CFHR2: variants seen among roughly 807,000 people sequenced by gnomAD.
CFHR2 encodes the protein complement factor H related 2.
In CFHR2, 22 loss-of-function variants were observed where a neutral mutation model predicts 21.7. The observed-to-expected ratio is 1.01, with a 90% confidence interval of 0.72 to 1.45. CFHR2 has a LOEUF of 1.45. CFHR2 is among the 40% of genes most tolerant of loss of function. The pLI, the probability that CFHR2 is intolerant of heterozygous loss-of-function variation, is 0.00. For synonymous variants in CFHR2, 98 were observed against 97.4 expected, an observed-to-expected ratio of 1.01 and a Z score of -0.04; for missense variants, 294 against 293.3, an observed-to-expected ratio of 1.00 and a Z score of -0.02.
At chr1:196,949,325 G>C (rs1391944087) in intron 1 of CFHR2, 130 bp from the exon 2 acceptor site, 4 of 844,460 alleles carry the variant, frequency 4.7e-6, no homozygotes, top group Non-Finnish European at 7.3e-6. Flanking sequence ...TTGGACACTG[G>C]AGAGCATTTA....
chr1:196,959,132 T>A lies in CFHR2; in HGVS notation c.*52T>A. ...TGCACACCTTTTTCTGAATTTACTA[T>A]TATATTTGTTTTCAATTTCATTTTT... On this transcript the variant is annotated 3_prime_UTR_variant, in exon 5 of 5. Transcript: ENST00000367415. 8.2e-7 allele frequency: 1 copy of A among 1,220,830 alleles called. No individual in the cohort carries two copies. The highest frequency in any genetic ancestry group is 1.2e-6 in the Non-Finnish European group (1 of 862,356). 75.6% of individuals were successfully genotyped at this position (1,220,830 alleles called of 1,614,324 possible).
At chr1:196,952,661 A>G (rs1426260546) in intron 3 of CFHR2, among the ~76,000 whole-genome samples, 1 of 152,206 alleles carries the variant, frequency 6.6e-6, no homozygotes, top group East Asian at 1.9e-4. Context: ...TTAGGCTTTG[A>G]TTAAGTCTGT....
rs1659696541 is a variant in CFHR2 at position 196,950,815 on chromosome 1, C to A, written c.254-37C>A. The A allele has an allele frequency of 3.1e-6, 5 of 1,608,110 alleles. No homozygotes were observed. The East Asian group carries it at 1.1e-4, about 36-fold the overall frequency. On this transcript the variant is annotated intron_variant, in intron 2 of 4. Coordinates refer to ENST00000367415, the MANE Select transcript of CFHR2 (RefSeq NM_005666.4). ...ATGCAGTTGTACTTTTTCTTTGCTA[C>A]TTCCATCTTGTCTATTAATCTGTTT...
At chr1:196,953,305 C>T (rs1652721221) in intron 3 of CFHR2, among the ~76,000 whole-genome samples, 1 of 152,004 alleles carries the variant, frequency 6.6e-6, no homozygotes, top group Non-Finnish European at 1.5e-5. Flanking sequence ...TTTTTTGAGA[C>T]AGAGTCTCAC....
chr1:196,948,815 A>G (rs1659616889), intron 1 of CFHR2, among the ~76,000 whole-genome samples: 1 of 152,172 alleles, frequency 6.6e-6, no homozygotes, highest in African/African-American at 2.4e-5. Flanking sequence ...ATACAAATAT[A>G]CAATACATAT....
At chr1:196,957,011 G>A (rs898346296) in intron 3 of CFHR2, among the ~76,000 whole-genome samples, 1 of 152,170 alleles carries the variant, frequency 6.6e-6, no homozygotes, top group African/African-American at 2.4e-5. Context: ...TTCCTCAGTT[G>A]ACCTCTGTTT....
rs545777035 is a variant in CFHR2 at position 196,947,153 on chromosome 1, G to GTGTATATATA, written c.59-2301_59-2300insGTATATATAT. Among the ~76,000 whole-genome samples, 965 of 151,872 alleles carry GTGTATATATA rather than the reference G, an allele frequency of 6.4e-3. 12 individuals carry two copies. The highest frequency in any genetic ancestry group is 0.022 in the African/African-American group (925 of 41,388). ...TATGTGTGTGTGTGTGTGTGTGTGT[G>GTGTATATATA]TATCCCAGAAGAAATATATTCATAA... On this transcript the variant is annotated intron_variant, in intron 1 of 4. Coordinates refer to ENST00000367415, the MANE Select transcript of CFHR2 (RefSeq NM_005666.4).
chr1:196,959,129 C>A lies in CFHR2; in HGVS notation c.*49C>A, dbSNP rs373136673. ...AAATGCACACCTTTTTCTGAATTTA[C>A]TATTATATTTGTTTTCAATTTCATT... is the stretch of plus-strand genomic sequence containing the variant. On this transcript the variant is annotated 3_prime_UTR_variant, in exon 5 of 5. Transcript: ENST00000367415. The A allele has an allele frequency of 1.7e-5, 21 of 1,256,058 alleles. No homozygotes were observed. The highest frequency in any genetic ancestry group is 2.0e-5 in the Non-Finnish European group (18 of 888,572). 77.8% of individuals were successfully genotyped at this position (1,256,058 alleles called of 1,614,324 possible).
chr1:196,948,299 A>T (rs994774196), intron 1 of CFHR2, among the ~76,000 whole-genome samples: 12 of 151,966 alleles, frequency 7.9e-5, no homozygotes, highest in African/African-American at 2.7e-4. Context: ...TTTGAGGTAG[A>T]GTCTTGCTCT....
intron 1 of CFHR2, among the ~76,000 whole-genome samples, chr1:196,948,833 T>C (rs1659617613): frequency 6.6e-6 from 1 of 152,152 alleles, no homozygotes; most frequent in South Asian, 2.1e-4. Flanking sequence ...TATTTGTATA[T>C]ACAACATTAA....
Position 196,957,909 on chromosome 1 carries a change from G to T in CFHR2, c.449G>T (p.Gly150Val). Residue 150 changes from glycine (G) to valine (V), a missense_variant, in exon 4 of 5, where the codon GGG (glycine) becomes GTG (valine). Transcript: ENST00000367415. ...CRSTISAEKC[G>V]PPPPIDNGDI... ...TTTTTAGTTTCTGCAGAAAAATGTG[G>T]GCCCCCTCCACCTATTGACAATGGA... is the stretch of plus-strand genomic sequence containing the variant. The T allele has an allele frequency of 6.2e-7, 1 of 1,609,204 alleles. No homozygotes were observed. Among genetic ancestry groups the T allele is most frequent in the Non-Finnish European group, 8.5e-7 (1 of 1,177,620 alleles).
At chr1:196,955,418 C>CTCT (rs1169520755) in intron 3 of CFHR2, among the ~76,000 whole-genome samples, 1 of 152,176 alleles carries the variant, frequency 6.6e-6, no homozygotes, top group Admixed American at 6.5e-5. Flanking sequence ...CTGTTCCAAC[C>CTCT]TCTGCCTGTT....
chr1:196,946,840 A>G (rs1329483611), intron 1 of CFHR2, among the ~76,000 whole-genome samples: 2 of 152,188 alleles, frequency 1.3e-5, no homozygotes, highest in East Asian at 3.8e-4. Flanking sequence ...ATTATACTAT[A>G]TGAAATACAT....
intron 3 of CFHR2, among the ~76,000 whole-genome samples, chr1:196,955,251 C>G (rs994251398): frequency 1.3e-5 from 2 of 152,150 alleles, no homozygotes; most frequent in East Asian, 3.9e-4. Context: ...GACCTTTGCT[C>G]CAGTTCCTAA....
chr1:196,958,420 G>A (rs1341811571), intron 4 of CFHR2, among the ~76,000 whole-genome samples: 5 of 151,150 alleles, frequency 3.3e-5, no homozygotes, highest in Admixed American at 6.6e-5. Context: ...GTGTGTGAGA[G>A]AGAGAGAGAG....
At chr1:196,955,647 G>T (rs968399301) in intron 3 of CFHR2, among the ~76,000 whole-genome samples, 2 of 152,106 alleles carry the variant, frequency 1.3e-5, no homozygotes, top group African/African-American at 4.8e-5. Flanking sequence ...TCAGGAATTT[G>T]GGACTAGCCT....
intron 3 of CFHR2, among the ~76,000 whole-genome samples, chr1:196,953,441 CCCAG>C (rs1458617866): frequency 2.0e-5 from 3 of 152,054 alleles, no homozygotes; most frequent in Non-Finnish European, 4.4e-5. Flanking sequence ...TGTCACCACA[CCCAG>C]CTAATTTTTG....
chr1:196,948,844 C>T (rs1336027583), intron 1 of CFHR2, among the ~76,000 whole-genome samples: 1 of 151,798 alleles, frequency 6.6e-6, no homozygotes, highest in Non-Finnish European at 1.5e-5. Flanking sequence ...ACAACATTAA[C>T]CAGAATTTAG....
chr1:196,959,176 T>C lies in CFHR2; in HGVS notation c.*96T>C. ...CATTTTTCAAGTACTGTTTTACTCA[T>C]TTTTATTCATAAATAAAGTTTTGTG... is the stretch of plus-strand genomic sequence containing the variant. On this transcript the variant is annotated 3_prime_UTR_variant, in exon 5 of 5. Coordinates refer to ENST00000367415, the MANE Select transcript of CFHR2 (RefSeq NM_005666.4). 1 of 879,866 alleles carries C rather than the reference T, an allele frequency of 1.1e-6. No homozygotes were observed. The highest frequency in any genetic ancestry group is 1.7e-6 in the Non-Finnish European group (1 of 588,430). The allele number at this position is 879,866 out of a possible 1,614,324, so 54.5% of individuals were successfully genotyped here.
Sources: allele counts gnomAD v4.1 joint callset (sites outside exome capture counted in the v4.1 genomes callset), GRCh38; gene constraint gnomAD v4.1.1; transcripts MANE v1.5; gene names NCBI Gene and HGNC (gene_info 2026-07-23, HGNC 2026-07-21).